BICRA: variants seen among roughly 807,000 people sequenced by gnomAD.
The protein encoded by BICRA is BRD4-interacting chromatin-remodeling complex-associated protein.
A neutral mutation model predicts 96.9 loss-of-function variants in BICRA; 31 were observed. The observed-to-expected ratio is 0.32, with a 90% CI of 0.24 to 0.43. The LOEUF (loss-of-function observed/expected upper bound fraction) is 0.43. BICRA is among the 20% of genes least tolerant of loss of function. BICRA has a pLI of 1.00. For missense variants in BICRA, 2,283 were observed against 2,190.3 expected (o/e 1.04, Z -0.84); for synonymous variants, 1,350 against 1,071.8 (o/e 1.26, Z -5.07).
At chr19:47,635,816 A>G (rs1972293353) in intron 1 of BICRA, among the ~76,000 whole-genome samples, 1 of 152,194 alleles carries the variant, frequency 6.6e-6, no homozygotes, top group Non-Finnish European at 1.5e-5. Context: ...TCCATTGTGC[A>G]GATATACCAC....
chr19:47,681,108 GC>G lies in BICRA; in HGVS notation c.1943del (p.Pro648ArgfsTer76). 6.1e-6 allele frequency: 9 copies of G among 1,464,470 alleles called. No individual in the cohort carries two copies. Among genetic ancestry groups the G allele is most frequent in the Non-Finnish European group, 8.2e-6 (9 of 1,100,602 alleles). The allele number at this position is 1,464,470 out of a possible 1,614,324, so 90.7% of individuals were successfully genotyped here. ...GCCTCCAGCAGCCGCAGGCGCAGCA[GC>G]CCCCGCAGGCCCCCACCCCACAGGC... ...LGLQQPQAQQ[P>X]PQAPTPQAAA... On this transcript the variant is annotated frameshift_variant, in exon 6 of 15. Transcript: ENST00000594866. LOFTEE classifies it high-confidence loss of function.
Position 47,699,274 on chromosome 19 carries a change from C to A in BICRA, c.3493-29C>A. On this transcript the variant is annotated intron_variant, in intron 13 of 14. Transcript: ENST00000594866. This position sits in a 1 kb window ranked among gnomAD's most constrained non-coding sequence, Gnocchi z 5.0. ...CCCCTTCCCCCTTCTTGCTGGTTCA[C>A]TCGCACGTCGTCTTTTCCCCCACCC... is the stretch of plus-strand genomic sequence containing the variant. 2 of 1,328,900 alleles carry A rather than the reference C, an allele frequency of 1.5e-6. No homozygotes were observed. The highest frequency in any genetic ancestry group is 2.1e-6 in the Non-Finnish European group (2 of 943,236). The allele number at this position is 1,328,900 out of a possible 1,614,324, so 82.3% of individuals were successfully genotyped here.
In BICRA at chr19:47,701,922, G is replaced by A. The variant is rs1973460239; in HGVS notation, c.4190G>A (p.Gly1397Asp). The A allele has an allele frequency of 1.5e-5, 21 of 1,431,544 alleles. No homozygotes were observed. Among genetic ancestry groups the A allele is most frequent in the Non-Finnish European group, 1.8e-5 (20 of 1,101,918 alleles). 88.7% of individuals were successfully genotyped at this position (1,431,544 alleles called of 1,614,324 possible). Residue 1397 changes from glycine to aspartate, a missense_variant, in exon 15 of 15, where the codon GGC becomes GAC. Gly to Asp is a moderately conservative substitution (Grantham distance 94). Coordinates refer to ENST00000594866, the MANE Select transcript of BICRA (RefSeq NM_001394372.1). The surrounding 1 kb of genome is among the most constrained non-coding windows in gnomAD (Gnocchi z 5.4). ...AAGACCTACCGCGAGAACGTGGGGG[G>A]CCCTGGCGCGCCGGAGGGGACGCCC... ...LRKTYRENVG[G>D]PGAPEGTPAG... is the part of the protein sequence containing the mutation.
intron 10 of BICRA, 69 bp downstream of exon 10, chr19:47,695,543 CAG>C (rs1323723829): frequency 4.0e-6 from 3 of 743,440 alleles, no homozygotes; most frequent in Non-Finnish European, 4.7e-6. Context: ...CTGGGGCTGG[CAG>C]GGGCAGGGAG....
At chr19:47,616,282 G>C (rs1352757989) in intron 1 of BICRA, among the ~76,000 whole-genome samples, 1 of 152,174 alleles carries the variant, frequency 6.6e-6, no homozygotes, top group African/African-American at 2.4e-5. Flanking sequence ...CATAGGATTA[G>C]ATACCCAAGT....
intron 2 of BICRA, among the ~76,000 whole-genome samples, chr19:47,673,220 G>C (rs893392494): frequency 2.6e-5 from 4 of 152,140 alleles, no homozygotes; most frequent in African/African-American, 9.7e-5. Flanking sequence ...GGTGCCTCCA[G>C]TTCTCATCTG....
intron 1 of BICRA, among the ~76,000 whole-genome samples, chr19:47,659,938 A>G (rs1470129956): frequency 6.6e-6 from 1 of 151,982 alleles, no homozygotes; most frequent in African/African-American, 2.4e-5. Context: ...TTTTGTAGAG[A>G]TGGGGTCTCA....
At chr19:47,659,732 ACG>A (rs1972676825) in intron 1 of BICRA, among the ~76,000 whole-genome samples, 1 of 108,496 alleles carries the variant, frequency 9.2e-6, no homozygotes, top group East Asian at 3.0e-4. Context: ...ACACACACAC[ACG>A]TTCTCTTCTC....
At chr19:47,610,337 C>T (rs981072525) in intron 1 of BICRA, among the ~76,000 whole-genome samples, 6 of 152,376 alleles carry the variant, frequency 3.9e-5, no homozygotes, top group Non-Finnish European at 7.3e-5. Flanking sequence ...CGCGGCCAGC[C>T]GGGAGGACCG....
intron 1 of BICRA, among the ~76,000 whole-genome samples, chr19:47,668,424 A>G (rs1301108618): frequency 6.6e-6 from 1 of 151,906 alleles, no homozygotes; most frequent in Non-Finnish European, 1.5e-5. Context: ...TTTCAGCTCA[A>G]ATTGCAAAGC....
At chr19:47,694,798 C>T in intron 8 of BICRA, 72 bp downstream of exon 8, 4 of 1,134,536 alleles carry the variant, frequency 3.5e-6, no homozygotes, top group Non-Finnish European at 5.0e-6. Flanking sequence ...ATGGGAGCCC[C>T]TCCGCCTTAC....
In BICRA at chr19:47,699,120, C is replaced by A; in HGVS notation, c.3492+61C>A. The A allele has an allele frequency of 8.3e-7, 1 of 1,211,500 alleles. No individual in the cohort carries two copies. Among genetic ancestry groups the A allele is most frequent in the Non-Finnish European group, 1.2e-6 (1 of 841,794 alleles). The allele number at this position is 1,211,500 out of a possible 1,614,324, so 75.0% of individuals were successfully genotyped here. A position where few individuals can be genotyped will look rare whatever the true frequency, so the allele number is the denominator to read the frequency against. On this transcript the variant is annotated intron_variant, in intron 13 of 14. Transcript: ENST00000594866. The surrounding 1 kb of genome is among the most constrained non-coding windows in gnomAD (Gnocchi z 5.0). ...CTCCTCGCTGGGACACTGCCCCTTT[C>A]CCTCACCCGCTCTGGGCAAGGTGGA...
chr19:47,694,207 C>T lies in BICRA; in HGVS notation c.2376C>T (p.Pro792=). 3.8e-6 allele frequency: 5 copies of T among 1,322,924 alleles called. No individual in the cohort carries two copies. Among genetic ancestry groups the T allele is most frequent in the Non-Finnish European group, 5.1e-6 (5 of 987,954 alleles). The allele number at this position is 1,322,924 out of a possible 1,614,324, so 81.9% of individuals were successfully genotyped here. Residue 792 remains proline (P), a synonymous_variant, in exon 8 of 15, where the codon CCC becomes CCT. Transcript: ENST00000594866. ...CTCTGGGGGACAGCCCCCACCTGCC[C>T]TCCCCACACCCCACCCGGCCCCCTT... is the stretch of plus-strand genomic sequence containing the variant. ...QAPLGDSPHL[P]SPHPTRPPSR...
At chr19:47,650,795 G>T (rs569603706) in intron 1 of BICRA, among the ~76,000 whole-genome samples, 2 of 152,202 alleles carry the variant, frequency 1.3e-5, no homozygotes, top group African/African-American at 4.8e-5. Flanking sequence ...AGGGAAATGG[G>T]CTTCACTGAA....
intron 1 of BICRA, among the ~76,000 whole-genome samples, chr19:47,626,722 T>G (rs1221203001): frequency 7.1e-6 from 1 of 141,662 alleles, no homozygotes. Flanking sequence ...CCTGGGTTTT[T>G]TTTTTTTTTT....
Position 47,699,585 on chromosome 19 carries a change from C to T in BICRA, c.3595+180C>T, listed in dbSNP as rs914763540. Among the ~76,000 whole-genome samples, 2 of 152,162 alleles carry T rather than the reference C, an allele frequency of 1.3e-5. No individual in the cohort carries two copies. The highest frequency in any genetic ancestry group is 6.6e-5 in the Admixed American group (1 of 15,264). On this transcript the variant is annotated intron_variant, in intron 14 of 14. Transcript: ENST00000594866. This position sits in a 1 kb window ranked among gnomAD's most constrained non-coding sequence, Gnocchi z 5.0. ...CTCCCCTGACCTCCCGCCTCTCAGA[C>T]CAGATAGCCCACATCCATCTTCCTC...
At chr19:47,632,873 C>T (rs1176464700) in intron 1 of BICRA, among the ~76,000 whole-genome samples, 1 of 152,028 alleles carries the variant, frequency 6.6e-6, no homozygotes, top group Non-Finnish European at 1.5e-5. Flanking sequence ...CCAGCTGTCT[C>T]CTTCTCAGGC....
intron 5 of BICRA, among the ~76,000 whole-genome samples, chr19:47,676,895 C>T (rs1431742637): frequency 6.6e-6 from 1 of 152,078 alleles, no homozygotes; most frequent in Non-Finnish European, 1.5e-5. Flanking sequence ...TCTAAACACT[C>T]TCCACACGTG....
At chr19:47,633,460 C>T (rs1020674060) in intron 1 of BICRA, among the ~76,000 whole-genome samples, 1 of 152,130 alleles carries the variant, frequency 6.6e-6, no homozygotes, top group African/African-American at 2.4e-5. Context: ...CCCTCAGCCT[C>T]CCAAAGTACT....
Sources: allele counts gnomAD v4.1 joint callset (sites outside exome capture counted in the v4.1 genomes callset), GRCh38; gene constraint gnomAD v4.1.1; non-coding constraint Gnocchi (gnomAD v3.1); transcripts MANE v1.5; gene names NCBI Gene and HGNC (gene_info 2026-07-23, HGNC 2026-07-21).